Variants in ADGRG7 observed in about 807,000 individuals in gnomAD.
ADGRG7 encodes G-protein coupled receptor 128.
In ADGRG7, 82 loss-of-function variants were observed where a neutral mutation model predicts 88.6. The observed-to-expected ratio is 0.93, with a 90% CI of 0.77 to 1.11. ADGRG7 has a LOEUF of 1.11. Ranked by LOEUF, ADGRG7 falls within the 50% of genes most tolerant of loss-of-function variation. The pLI is 0.00. For missense variants in ADGRG7, 945 were observed against 953.4 expected (o/e 0.99, Z 0.12); for synonymous variants, 381 against 345.2 (o/e 1.10, Z -1.15).
At position 100,682,187 on chromosome 3, in the gene ADGRG7, C is replaced by T. The variant is rs140528262; in HGVS notation, c.2137-12557C>T. 7.0e-3 allele frequency among the ~76,000 whole-genome samples: 1,062 copies of T among 152,212 alleles called. 16 individuals carry two copies. Among genetic ancestry groups the T allele is most frequent in the African/African-American group, 0.024 (1,009 of 41,544 alleles). ...GTCCACCGCCCTGGGAACCCACCCC[C>T]GGGAGCTGCCCTGATGGGGCCGGAC... On this transcript the variant is annotated intron_variant, in intron 15 of 15. Coordinates refer to ENST00000273352, the MANE Select transcript of ADGRG7 (RefSeq NM_032787.3).
chr3:100,674,480 A>C (rs1475815052), intron 15 of ADGRG7, among the ~76,000 whole-genome samples: 1 of 151,652 alleles, frequency 6.6e-6, no homozygotes, highest in Non-Finnish European at 1.5e-5. Flanking sequence ...CAGGTTTTAT[A>C]GTTTTCGTTG....
chr3:100,624,298 T>C (rs1707352623), intron 1 of ADGRG7, among the ~76,000 whole-genome samples: 1 of 152,236 alleles, frequency 6.6e-6, no homozygotes, highest in Non-Finnish European at 1.5e-5. Context: ...AGTGTGAAGT[T>C]GAGCTTGTTT....
chr3:100,690,036 T>G (rs2094990456), intron 15 of ADGRG7, among the ~76,000 whole-genome samples: 1 of 152,240 alleles, frequency 6.6e-6, no homozygotes, highest in Non-Finnish European at 1.5e-5. Context: ...TTTGGTGTTT[T>G]CTATAGTCCC....
chr3:100,668,897 A>G (rs1559686255), intron 14 of ADGRG7, 52 bp from the exon 15 acceptor site: 1 of 1,354,856 alleles, frequency 7.4e-7, no homozygotes, highest in African/African-American at 1.5e-5. Context: ...AATGACGTTG[A>G]TAAGTAAAAC....
At position 100,649,748 on chromosome 3, in the gene ADGRG7, T is replaced by C. The variant is rs765085111; in HGVS notation, c.1320T>C (p.Val440=). ...YPKSLDILSN[V]GCALSVTGLA... ...AATCACTTGACATATTATCCAACGT[T>C]GGATGTGCACTGTCTGTTACTGGTC... is the stretch of plus-strand genomic sequence containing the variant. Residue 440 remains valine (V), a synonymous_variant, in exon 11 of 16, where the codon GTT becomes GTC. Coordinates refer to ENST00000273352, the MANE Select transcript of ADGRG7 (RefSeq NM_032787.3). 1.9e-6 allele frequency: 3 copies of C among 1,612,020 alleles called. No individual in the cohort carries two copies. In the Admixed American group the frequency reaches 5.0e-5, roughly 27 times the overall value.
chr3:100,671,010 A>G (rs2149035721), intron 15 of ADGRG7, among the ~76,000 whole-genome samples: 1 of 152,340 alleles, frequency 6.6e-6, no homozygotes, highest in South Asian at 2.1e-4. Flanking sequence ...TGCAATAAAC[A>G]TACATGTGCA....
chr3:100,623,120 T>C (rs569911178), intron 1 of ADGRG7, among the ~76,000 whole-genome samples: 1 of 152,282 alleles, frequency 6.6e-6, no homozygotes, highest in South Asian at 2.1e-4. Flanking sequence ...CTAAAGCTAA[T>C]TATCAATTTT....
At chr3:100,625,004 G>T (rs750804274) in intron 1 of ADGRG7, among the ~76,000 whole-genome samples, 38 of 152,102 alleles carry the variant, frequency 2.5e-4, no homozygotes, top group Non-Finnish European at 2.1e-4. Flanking sequence ...GCTTAGGATT[G>T]TCTTGGCTAT....
intron 15 of ADGRG7, among the ~76,000 whole-genome samples, chr3:100,691,716 T>TTTTTTTTTTTTTTTGA (rs1553697184): frequency 6.7e-6 from 1 of 149,984 alleles, no homozygotes; most frequent in African/African-American, 2.4e-5. Flanking sequence ...TTTATTCTTT[T>TTTTTTTTTTTTTTTGA]GTGGTGATGA....
In ADGRG7 at chr3:100,645,997, A is replaced by G. The variant is rs1468686135; in HGVS notation, c.999A>G (p.Gln333=). 1 of 1,614,028 alleles carries G rather than the reference A, an allele frequency of 6.2e-7. No individual in the cohort carries two copies. The highest frequency in any genetic ancestry group is 8.5e-7 in the Non-Finnish European group (1 of 1,179,926). ...FVVYQNDKLF[Q]SKTFTAKSDF... is the part of the protein sequence containing the mutation. Reference sequence around the variant, plus strand: ...TTTATCAAAATGACAAGCTTTTCCAATCAAAAACTTTTACAGCTAAATCGG... The same window carrying G: ...TTTATCAAAATGACAAGCTTTTCCAGTCAAAAACTTTTACAGCTAAATCGG... The change falls in exon 9 of 16, where the codon CAA becomes CAG. Residue 333 remains glutamine (Q), a synonymous_variant. Transcript: ENST00000273352.
At position 100,695,143 on chromosome 3, in the gene ADGRG7, TA is replaced by T; in HGVS notation, c.*143del. Reference sequence around the variant, plus strand: ...TAAGAATTAGATAAAACCTGTTGTTTATTATTATTCGGCATAATGGACTTGG... The same window carrying T: ...TAAGAATTAGATAAAACCTGTTGTTTTTATTATTCGGCATAATGGACTTGG... On this transcript the variant is annotated 3_prime_UTR_variant, in exon 16 of 16. Transcript: ENST00000273352. 1.2e-6 allele frequency: 1 copy of T among 823,578 alleles called. No individual in the cohort carries two copies. The highest frequency in any genetic ancestry group is 1.9e-6 in the Non-Finnish European group (1 of 534,824). 51.0% of individuals were successfully genotyped at this position (823,578 alleles called of 1,614,324 possible).
At chr3:100,690,142 A>G (rs1261266562) in intron 15 of ADGRG7, among the ~76,000 whole-genome samples, 3 of 152,232 alleles carry the variant, frequency 2.0e-5, no homozygotes, top group East Asian at 3.9e-4. Context: ...CATCGCTGAT[A>G]CCCTTTCTTC....
intron 1 of ADGRG7, among the ~76,000 whole-genome samples, chr3:100,629,118 C>T (rs1408395679): frequency 4.6e-5 from 7 of 152,202 alleles, no homozygotes; most frequent in East Asian, 1.9e-4. Context: ...CCTGCCTACT[C>T]GGGTCACCCA....
intron 15 of ADGRG7, among the ~76,000 whole-genome samples, chr3:100,673,073 C>G (rs770427826): frequency 2.6e-5 from 4 of 152,090 alleles, no homozygotes; most frequent in Non-Finnish European, 5.9e-5. Flanking sequence ...TGTTGGCCTC[C>G]TAAAATGAGT....
chr3:100,687,672 A>G (rs1403684151), intron 15 of ADGRG7, among the ~76,000 whole-genome samples: 1 of 152,108 alleles, frequency 6.6e-6, no homozygotes, highest in Non-Finnish European at 1.5e-5. Flanking sequence ...TATATGCTGG[A>G]TTATGTTTAT....
chr3:100,645,686 G>A (rs1168572244), intron 8 of ADGRG7, among the ~76,000 whole-genome samples: 1 of 152,010 alleles, frequency 6.6e-6, no homozygotes, highest in African/African-American at 2.4e-5. Context: ...GGTGGACTAG[G>A]CAGAAATTCT....
At chr3:100,646,748 T>C (rs2149026451) in intron 10 of ADGRG7, 24 bp downstream of exon 10, 1 of 1,592,614 alleles carries the variant, frequency 6.3e-7, no homozygotes, top group Non-Finnish European at 8.6e-7. Context: ...TAGCAATCTC[T>C]TTCCAGATGA....
intron 14 of ADGRG7, among the ~76,000 whole-genome samples, chr3:100,666,121 G>T (rs1428089209): frequency 6.6e-6 from 1 of 150,996 alleles, no homozygotes. Context: ...GCGTGATCTC[G>T]GCCACTGCAA....
Position 100,654,882 on chromosome 3 carries a change from T to C in ADGRG7, c.1427T>C (p.Ile476Thr), listed in dbSNP as rs947758172. 1 of 1,613,822 alleles carries C rather than the reference T, an allele frequency of 6.2e-7. No homozygotes were observed. Among genetic ancestry groups the C allele is most frequent in the Non-Finnish European group, 8.5e-7 (1 of 1,179,844 alleles). ...ACCTGGGTTTTGGTCAATCTGTGCA[T>C]ATCAATGTTGATTTTCAACCTCCTC... is the stretch of plus-strand genomic sequence containing the variant. ...SVTWVLVNLC[I>T]SMLIFNLLFV... Residue 476 changes from isoleucine to threonine, a missense_variant, in exon 12 of 16, where the codon ATA becomes ACA. By Grantham distance (89) the Ile-to-Thr change is moderately conservative. Transcript: ENST00000273352.
Sources: gnomAD v4.1 joint callset for allele counts (sites outside exome capture counted in the v4.1 genomes callset) on GRCh38, gnomAD v4.1.1 for gene constraint, MANE v1.5 for transcripts, NCBI Gene and HGNC (gene_info 2026-07-23, HGNC 2026-07-21) for gene names.